The following SLC9C2 variants were observed in gnomAD, a reference collection of about 807,000 sequenced individuals.
SLC9C2 encodes solute carrier family 9 member C2 (putative).
In SLC9C2, 75 loss-of-function variants were observed where a neutral mutation model predicts 140.2. The ratio of observed to expected loss-of-function variants is 0.53; its 90% CI spans 0.44 to 0.65. The LOEUF (loss-of-function observed/expected upper bound fraction) is 0.65. SLC9C2 is among the 30% of genes least tolerant of loss of function. SLC9C2 has a pLI of 0.00. For missense variants in SLC9C2, 1,074 were observed against 1,331.8 expected (o/e 0.81, Z 3.01); for synonymous variants, 375 against 420.9 (o/e 0.89, Z 1.34).
Position 173,534,502 on chromosome 1 carries a change from T to C in SLC9C2, c.1956A>G (p.Val652=). The change falls in exon 16 of 28, where the codon GTA becomes GTG. Residue 652 remains valine, a synonymous_variant. Transcript: ENST00000367714. ...ACAGTACCTTCAATGTTGATTCTAA[T>C]ACATATAAAAACATAAAATAGTAGT... The part of the protein sequence containing the change: ...SINYYFMFLY[V]LESTLKIIIL... The C allele has an allele frequency of 6.3e-7, 1 of 1,579,620 alleles. No homozygotes were observed. The highest frequency in any genetic ancestry group is 1.2e-5 in the South Asian group (1 of 83,434).
At chr1:173,546,537 C>T (rs563534867) in intron 13 of SLC9C2, among the ~76,000 whole-genome samples, 17 of 152,120 alleles carry the variant, frequency 1.1e-4, no homozygotes, top group South Asian at 6.2e-4. Context: ...GTCAAGATCG[C>T]GCCACTGCAC....
At chr1:173,549,507 T>C (rs1179080457) in intron 11 of SLC9C2, among the ~76,000 whole-genome samples, 2 of 152,232 alleles carry the variant, frequency 1.3e-5, no homozygotes, top group African/African-American at 4.8e-5. Flanking sequence ...TTCCAGTTGC[T>C]CAGGGGAAAT....
In SLC9C2 at chr1:173,530,054, T is replaced by C; in HGVS notation, c.2164A>G (p.Ile722Val). 2 of 1,582,172 alleles carry C rather than the reference T, an allele frequency of 1.3e-6. No homozygotes were observed. Among genetic ancestry groups the C allele is most frequent in the Non-Finnish European group, 1.7e-6 (2 of 1,171,444 alleles). Reference sequence around the variant, plus strand: ...ATTCTTATCAGTATTGGTACTATTATCTGGAATAATGAGAAGAAGAAAAAA... The same window carrying C: ...ATTCTTATCAGTATTGGTACTATTACCTGGAATAATGAGAAGAAGAAAAAA... The part of the protein sequence containing the change: ...RIIRFLPLFK[I>V]IVPILIRIAD... The change falls in exon 18 of 28, where the codon ATA (isoleucine) becomes GTA (valine). Residue 722 changes from isoleucine (I) to valine (V), a missense_variant and splice_region_variant. Transcript: ENST00000367714.
intron 25 of SLC9C2, among the ~76,000 whole-genome samples, chr1:173,506,019 C>T (rs745661400): frequency 1.1e-4 from 16 of 152,164 alleles, no homozygotes; most frequent in Non-Finnish European, 2.4e-4. Flanking sequence ...TGCCTCCATC[C>T]TTTGTTTCAA....
chr1:173,535,539 C>A (rs1227805512), intron 15 of SLC9C2, among the ~76,000 whole-genome samples: 1 of 152,098 alleles, frequency 6.6e-6, no homozygotes, highest in African/African-American at 2.4e-5. Flanking sequence ...TATGTTATAT[C>A]CAGAAGAATA....
intron 11 of SLC9C2, among the ~76,000 whole-genome samples, chr1:173,553,912 A>G (rs184921902): frequency 1.3e-5 from 2 of 152,278 alleles, no homozygotes; most frequent in Admixed American, 1.3e-4. Flanking sequence ...TGGCATATTG[A>G]ACTATACTAA....
chr1:173,575,655 C>A (rs1665129219), intron 8 of SLC9C2, among the ~76,000 whole-genome samples: 2 of 152,128 alleles, frequency 1.3e-5, no homozygotes, highest in African/African-American at 4.8e-5. Flanking sequence ...CGGCTCACTG[C>A]AAGCTCCGCC....
At chr1:173,551,630 T>C (rs1330394330) in intron 11 of SLC9C2, among the ~76,000 whole-genome samples, 1 of 152,196 alleles carries the variant, frequency 6.6e-6, no homozygotes, top group Non-Finnish European at 1.5e-5. Context: ...GTCTTTGATA[T>C]TACTAATGTA....
At chr1:173,585,773 C>T (rs895627254) in intron 5 of SLC9C2, among the ~76,000 whole-genome samples, 19 of 152,124 alleles carry the variant, frequency 1.2e-4, no homozygotes, top group Non-Finnish European at 2.4e-4. Context: ...TCGAGATCAG[C>T]CTGGCCAACA....
intron 13 of SLC9C2, among the ~76,000 whole-genome samples, chr1:173,545,538 T>TG (rs1402072469): frequency 6.6e-6 from 1 of 152,126 alleles, no homozygotes; most frequent in East Asian, 1.9e-4. Flanking sequence ...ATTGGGTGTC[T>TG]GGGGGGCAGA....
At chr1:173,501,146 A>C (rs779500264) in intron 27 of SLC9C2, 49 bp from the exon 28 acceptor site, 1 of 1,483,764 alleles carries the variant, frequency 6.7e-7, no homozygotes, top group South Asian at 1.4e-5. Context: ...ACATTTCAGG[A>C]AAAACTTCTT....
intron 22 of SLC9C2, among the ~76,000 whole-genome samples, chr1:173,518,587 C>T (rs1353401959): frequency 3.9e-5 from 6 of 151,994 alleles, no homozygotes; most frequent in Admixed American, 6.6e-5. Context: ...GAAAGAACCG[C>T]GGTATCAGAT....
chr1:173,544,553 G>A (rs1241244068), intron 13 of SLC9C2, among the ~76,000 whole-genome samples: 1 of 152,078 alleles, frequency 6.6e-6, no homozygotes. Context: ...AAAGATACAT[G>A]CAAACTCTGT....
At position 173,527,345 on chromosome 1, in the gene SLC9C2, G is replaced by A. The variant is rs1477075433; in HGVS notation, c.2314-631C>T. Among the ~76,000 whole-genome samples, 4 of 152,154 alleles carry A rather than the reference G, an allele frequency of 2.6e-5. No individual in the cohort carries two copies. The East Asian group carries it at 7.7e-4, about 29-fold the overall frequency. ...AATAGTTATCAGAAAAGATCAGTAT[G>A]TACTCCACTGTGCACCAAGGAGAAT... On this transcript the variant is annotated intron_variant, in intron 18 of 27. Transcript: ENST00000367714.
chr1:173,582,318 C>CA (rs934122424), intron 6 of SLC9C2, among the ~76,000 whole-genome samples: 15 of 151,832 alleles, frequency 9.9e-5, no homozygotes, highest in Admixed American at 3.3e-4. Flanking sequence ...AATGTCTAAA[C>CA]AAAAAAAATC....
At chr1:173,512,050 T>C (rs897197339) in intron 23 of SLC9C2, among the ~76,000 whole-genome samples, 1 of 152,224 alleles carries the variant, frequency 6.6e-6, no homozygotes, top group Admixed American at 6.5e-5. Context: ...TTTTGGTTAC[T>C]GTAGCCTTGT....
At chr1:173,562,586 T>G (rs1664189828) in intron 9 of SLC9C2, among the ~76,000 whole-genome samples, 1 of 152,174 alleles carries the variant, frequency 6.6e-6, no homozygotes, top group African/African-American at 2.4e-5. Flanking sequence ...TTTCTAATTT[T>G]TCATCTCTAT....
intron 13 of SLC9C2, among the ~76,000 whole-genome samples, chr1:173,542,811 C>A (rs551267525): frequency 6.6e-6 from 1 of 152,142 alleles, no homozygotes; most frequent in East Asian, 1.9e-4. Context: ...ATTCAACAGC[C>A]CTACATGCTA....
In SLC9C2 at chr1:173,573,344, A is replaced by G; in HGVS notation, c.903-19T>C. 1 of 1,430,402 alleles carries G rather than the reference A, an allele frequency of 7.0e-7. No homozygotes were observed. The highest frequency in any genetic ancestry group is 1.4e-5 in the African/African-American group (1 of 68,994). The allele number at this position is 1,430,402 out of a possible 1,614,324, so 88.6% of individuals were successfully genotyped here. The stretch of plus-strand genomic sequence containing the variant: ...TAAGAACCTAGGATGAATGAAATAG[A>G]AATGACATTTTAAGCAATCATCTTA... On this transcript the variant is annotated intron_variant, in intron 8 of 27. Transcript: ENST00000367714.
Sources: allele counts gnomAD v4.1 joint callset (sites outside exome capture counted in the v4.1 genomes callset), GRCh38; gene constraint gnomAD v4.1.1; transcripts MANE v1.5; gene names NCBI Gene and HGNC (gene_info 2026-07-23, HGNC 2026-07-21).